The following SMARCAL1 variants were observed in gnomAD, a reference collection of about 807,000 sequenced individuals.
SMARCAL1 encodes ATP-driven annealing helicase.
In SMARCAL1, 58 loss-of-function variants were observed where a neutral mutation model predicts 94.5. The observed-to-expected ratio is 0.61, with a 90% CI of 0.50 to 0.76. SMARCAL1 has a LOEUF of 0.76. SMARCAL1 is among the 30% of genes least tolerant of loss of function. SMARCAL1 has a pLI of 0.00. For synonymous variants in SMARCAL1, 422 were observed against 455.1 expected (o/e 0.93, Z 0.93); for missense variants, 1,051 against 1,177.9 (o/e 0.89, Z 1.58).
At chr2:216,471,127 G>C (rs955458451) in intron 14 of SMARCAL1, among the ~76,000 whole-genome samples, 2 of 152,002 alleles carry the variant, frequency 1.3e-5, no homozygotes, top group East Asian at 3.9e-4. Flanking sequence ...AATAATTGGG[G>C]GGTGGGAGGG....
chr2:216,435,182 AAG>A (rs1363974343), intron 8 of SMARCAL1, among the ~76,000 whole-genome samples, 154 bp from the exon 9 acceptor site: 1 of 152,098 alleles, frequency 6.6e-6, no homozygotes, highest in Non-Finnish European at 1.5e-5. Flanking sequence ...AAAAACAAAA[AAG>A]GGAGTGTCCT....
chr2:216,465,565 T>A (rs1694814083), intron 13 of SMARCAL1, among the ~76,000 whole-genome samples: 1 of 152,238 alleles, frequency 6.6e-6, no homozygotes, highest in African/African-American at 2.4e-5. Context: ...AAGTAATAAT[T>A]TCTATTCTTA....
At chr2:216,430,891 C>A (rs1239977579) in intron 7 of SMARCAL1, among the ~76,000 whole-genome samples, 1 of 152,226 alleles carries the variant, frequency 6.6e-6, no homozygotes, top group Non-Finnish European at 1.5e-5. Context: ...GCCCTCCCCC[C>A]ATCTGTCTGT....
rs148353754 is a variant in SMARCAL1 at position 216,423,571 on chromosome 2, G to T, written c.1097-62G>T. 8.6e-5 allele frequency: 114 copies of T among 1,331,792 alleles called. No individual in the cohort carries two copies. In the East Asian group the frequency reaches 2.6e-3, roughly 30 times the overall value. The allele number at this position is 1,331,792 out of a possible 1,614,324, so 82.5% of individuals were successfully genotyped here. On this transcript the variant is annotated intron_variant, in intron 5 of 17. Transcript: ENST00000357276. Reference sequence around the variant, plus strand: ...ATGAAACCAAGGAATAAATGAGTAAGTGTGATCACGTAGCAGAAGGGCAGG... The same window carrying T: ...ATGAAACCAAGGAATAAATGAGTAATTGTGATCACGTAGCAGAAGGGCAGG...
chr2:216,476,465 C>T (rs780562644), intron 15 of SMARCAL1, among the ~76,000 whole-genome samples: 4 of 152,102 alleles, frequency 2.6e-5, no homozygotes, highest in East Asian at 1.9e-4. Flanking sequence ...TACAGGTGCA[C>T]GCCTCCATGC....
intron 12 of SMARCAL1, among the ~76,000 whole-genome samples, chr2:216,459,288 C>G (rs1174682581): frequency 6.6e-6 from 1 of 152,070 alleles, no homozygotes; most frequent in African/African-American, 2.4e-5. Context: ...CAATGCCGTC[C>G]CCATCAAGCT....
chr2:216,472,453 G>A (rs908733797), intron 14 of SMARCAL1, among the ~76,000 whole-genome samples: 1 of 152,028 alleles, frequency 6.6e-6, no homozygotes, highest in East Asian at 1.9e-4. Flanking sequence ...TCTCTAAGTA[G>A]TCATCATTAT....
intron 11 of SMARCAL1, among the ~76,000 whole-genome samples, chr2:216,447,566 T>C (rs1694346840): frequency 6.6e-6 from 1 of 150,784 alleles, no homozygotes; most frequent in Admixed American, 6.6e-5. Context: ...GAGCTAGGAG[T>C]GAGGCTGAGG....
chr2:216,480,991 A>G (rs1178794788), intron 17 of SMARCAL1, among the ~76,000 whole-genome samples: 1 of 152,130 alleles, frequency 6.6e-6, no homozygotes, highest in Admixed American at 6.5e-5. Context: ...GATGTGGCCC[A>G]AGTAAAGATG....
chr2:216,472,442 A>G (rs1230644512), intron 14 of SMARCAL1, among the ~76,000 whole-genome samples: 1 of 152,154 alleles, frequency 6.6e-6, no homozygotes, highest in Non-Finnish European at 1.5e-5. Context: ...AATGATGATT[A>G]TCTCTAAGTA....
intron 6 of SMARCAL1, 76 bp from the exon 7 acceptor site, chr2:216,428,520 T>C (rs1187698815): frequency 2.6e-5 from 37 of 1,402,720 alleles, no homozygotes; most frequent in Middle Eastern, 2.5e-4. Flanking sequence ...GAAATATATA[T>C]ATCCCAAAGC....
intron 1 of SMARCAL1, among the ~76,000 whole-genome samples, 180 bp from the exon 2 acceptor site, chr2:216,413,676 C>T (rs558815537): frequency 1.2e-4 from 18 of 151,928 alleles, no homozygotes; most frequent in Admixed American, 7.9e-4. Context: ...CTTATTTTCC[C>T]AGGAGAGTCA....
At chr2:216,444,163 C>T (rs1245889279) in intron 10 of SMARCAL1, among the ~76,000 whole-genome samples, 5 of 152,198 alleles carry the variant, frequency 3.3e-5, no homozygotes, top group East Asian at 1.9e-4. Context: ...GACTTTCCAG[C>T]GGTGTGGACT....
intron 12 of SMARCAL1, among the ~76,000 whole-genome samples, chr2:216,452,695 A>G (rs1475630117): frequency 6.6e-6 from 1 of 152,194 alleles, no homozygotes; most frequent in Non-Finnish European, 1.5e-5. Flanking sequence ...TTGAAACACA[A>G]CTGTGAATTG....
intron 12 of SMARCAL1, among the ~76,000 whole-genome samples, chr2:216,459,347 A>G (rs2106065982): frequency 1.3e-5 from 2 of 152,332 alleles, no homozygotes; most frequent in East Asian, 3.9e-4. Context: ...TAAAGTTCAT[A>G]TGGAACCAAA....
At position 216,449,239 on chromosome 2, in the gene SMARCAL1, A is replaced by G. The variant is rs531727674; in HGVS notation, c.1852-1607A>G. Among the ~76,000 whole-genome samples, 6 of 152,344 alleles carry G rather than the reference A, an allele frequency of 3.9e-5. No individual in the cohort carries two copies. The South Asian group carries it at 6.2e-4, about 16-fold the overall frequency. Reference sequence around the variant, plus strand: ...CCCAAAGGCCCCACCTTCAATCAACATAATGAATTTGGGGATTACTTTTCT... The same window carrying G: ...CCCAAAGGCCCCACCTTCAATCAACGTAATGAATTTGGGGATTACTTTTCT... On this transcript the variant is annotated intron_variant, in intron 11 of 17. Coordinates refer to ENST00000357276, the MANE Select transcript of SMARCAL1 (RefSeq NM_014140.4).
chr2:216,481,481 C>A (rs1015540683), intron 17 of SMARCAL1, among the ~76,000 whole-genome samples: 5 of 149,904 alleles, frequency 3.3e-5, no homozygotes, highest in African/African-American at 1.2e-4. Flanking sequence ...CAGGCGTGAG[C>A]CCTTGCAGCA....
At chr2:216,425,251 G>A (rs1288573632) in intron 6 of SMARCAL1, among the ~76,000 whole-genome samples, 2 of 152,310 alleles carry the variant, frequency 1.3e-5, no homozygotes, top group East Asian at 1.9e-4. Flanking sequence ...AGCCAGGTGC[G>A]CCAGCTGCTG....
intron 6 of SMARCAL1, among the ~76,000 whole-genome samples, chr2:216,425,217 G>A (rs1693805382): frequency 2.0e-5 from 3 of 152,236 alleles, no homozygotes; most frequent in African/African-American, 7.2e-5. Context: ...GAGCAAGTGA[G>A]TGTAGAGTCT....
Sources: allele counts gnomAD v4.1 joint callset (sites outside exome capture counted in the v4.1 genomes callset), GRCh38; gene constraint gnomAD v4.1.1; transcripts MANE v1.5; gene names NCBI Gene and HGNC (gene_info 2026-07-23, HGNC 2026-07-21).